Variants in ROR1 observed in about 807,000 individuals in gnomAD.
ROR1 encodes the protein ROR family WNT receptor 1.
A neutral mutation model predicts 78.8 loss-of-function variants in ROR1; 19 were observed. The observed-to-expected ratio is 0.24, with a 90% CI of 0.17 to 0.35. The LOEUF is 0.35. ROR1 is among the 10% of genes least tolerant of loss of function. The probability of loss-of-function intolerance (pLI) is 1.00; values close to 1 mark genes in which losing one functional copy is unlikely to be tolerated. For missense variants in ROR1, 917 were observed against 1,177.8 expected, an observed-to-expected ratio of 0.78 and a Z score of 3.24; for synonymous variants, 386 against 433.6, an observed-to-expected ratio of 0.89 and a Z score of 1.36.
intron 1 of ROR1, among the ~76,000 whole-genome samples, chr1:63,937,775 T>C (rs1337201234): frequency 6.6e-6 from 1 of 152,210 alleles, no homozygotes; most frequent in Non-Finnish European, 1.5e-5. Context: ...TTCATTAGTG[T>C]GTTTTTAGTG....
At chr1:64,132,083 A>G (rs1336797054) in intron 4 of ROR1, among the ~76,000 whole-genome samples, 1 of 152,034 alleles carries the variant, frequency 6.6e-6, no homozygotes, top group Non-Finnish European at 1.5e-5. Context: ...CCCAGCCCCT[A>G]GCAACCACCG....
intron 1 of ROR1, among the ~76,000 whole-genome samples, chr1:63,985,414 T>C (rs1646242791): frequency 6.6e-6 from 1 of 152,144 alleles, no homozygotes; most frequent in African/African-American, 2.4e-5. Context: ...ATCCAAATGT[T>C]AATTCGAATT....
At chr1:63,856,564 C>T (rs1330903873) in intron 1 of ROR1, among the ~76,000 whole-genome samples, 1 of 152,160 alleles carries the variant, frequency 6.6e-6, no homozygotes, top group Non-Finnish European at 1.5e-5. Flanking sequence ...TTGCCTTGGT[C>T]TCCCTGGACT....
At chr1:64,160,994 C>A (rs4915947) in intron 8 of ROR1, among the ~76,000 whole-genome samples, 24,883 of 152,220 alleles carry the variant, frequency 0.16, 2,637 homozygotes, top group Non-Finnish European at 0.24. Context: ...CCTTAATCTG[C>A]AATTGAATTA....
chr1:63,950,372 G>A lies in ROR1; in HGVS notation c.92-58933G>A, dbSNP rs143624601. Among the ~76,000 whole-genome samples the A allele has an allele frequency of 2.0e-5, 3 of 152,276 alleles. No homozygotes were observed. In the East Asian group the frequency reaches 5.8e-4, roughly 29 times the overall value. On this transcript the variant is annotated intron_variant, in intron 1 of 8. Transcript: ENST00000371079. ...GGAATTCTTCCTTTCAGACCATATA[G>A]GGTAACTTCCAGATGTTGCCATGGC... is the stretch of plus-strand genomic sequence containing the variant.
chr1:64,005,637 T>C (rs1355833559), intron 1 of ROR1, among the ~76,000 whole-genome samples: 1 of 152,186 alleles, frequency 6.6e-6, no homozygotes, highest in East Asian at 1.9e-4. Context: ...TTGATGGAGT[T>C]CAGCTGAGAT....
chr1:64,120,640 T>C (rs2762850), intron 4 of ROR1, among the ~76,000 whole-genome samples: 105,031 of 152,048 alleles, frequency 0.69, 37,053 homozygotes, highest in East Asian at 0.98. Context: ...TACTGGACCA[T>C]GTAGGTCTAA....
intron 4 of ROR1, among the ~76,000 whole-genome samples, chr1:64,121,941 T>C (rs1473815903): frequency 6.6e-6 from 1 of 152,214 alleles, no homozygotes; most frequent in Non-Finnish European, 1.5e-5. Context: ...CTCTTTAAAC[T>C]GTGAGCTCTT....
At position 63,815,478 on chromosome 1, in the gene ROR1, C is replaced by CTTTTTTTTTTT. The variant is rs1446331528; in HGVS notation, c.91+40975_91+40976insTTTTTTTTTTT. On this transcript the variant is annotated intron_variant, in intron 1 of 8. Coordinates refer to ENST00000371079, the MANE Select transcript of ROR1 (RefSeq NM_005012.4). ...TTTTCTTTTTCTTTTCTTTTCTTTT[C>CTTTTTTTTTTT]TTTTTCTTTTTTTTTTTTTTTTGAG... Among the ~76,000 whole-genome samples the CTTTTTTTTTTT allele has an allele frequency of 5.7e-4, 59 of 103,434 alleles. 2 individuals carry two copies. Among genetic ancestry groups the CTTTTTTTTTTT allele is most frequent in the Middle Eastern group, 4.9e-3 (1 of 204 alleles). 67.9% of individuals were successfully genotyped at this position (103,434 alleles called of 152,430 possible). A position where few individuals can be genotyped will look rare whatever the true frequency, so the allele number is the denominator to read the frequency against.
chr1:63,951,458 GA>G (rs1261346617), intron 1 of ROR1, among the ~76,000 whole-genome samples: 21 of 152,212 alleles, frequency 1.4e-4, no homozygotes, highest in Admixed American at 1.4e-3. Flanking sequence ...TAGGGTAAAA[GA>G]GGGGGGCTGG....
At chr1:63,967,869 G>A (rs1374934080) in intron 1 of ROR1, among the ~76,000 whole-genome samples, 1 of 152,192 alleles carries the variant, frequency 6.6e-6, no homozygotes, top group African/African-American at 2.4e-5. Context: ...GACTGGTGGT[G>A]TGCTGGAACA....
intron 7 of ROR1, among the ~76,000 whole-genome samples, chr1:64,151,611 G>A (rs1449767335): frequency 6.6e-6 from 1 of 151,924 alleles, no homozygotes; most frequent in Non-Finnish European, 1.5e-5. Context: ...GGTGGCTTAT[G>A]CCTGTAATCC....
At chr1:63,983,217 AT>A (rs1646224197) in intron 1 of ROR1, among the ~76,000 whole-genome samples, 1 of 152,136 alleles carries the variant, frequency 6.6e-6, no homozygotes, top group East Asian at 1.9e-4. Flanking sequence ...CCCCCTCCGC[AT>A]TTTACAGATA....
At chr1:63,794,030 T>C (rs769690041) in intron 1 of ROR1, among the ~76,000 whole-genome samples, 1 of 152,180 alleles carries the variant, frequency 6.6e-6, no homozygotes, top group Non-Finnish European at 1.5e-5. Context: ...CCCTGGTTGC[T>C]GGGGAACCAG....
At chr1:64,007,248 G>A (rs144324327) in intron 1 of ROR1, among the ~76,000 whole-genome samples, 16 of 152,238 alleles carry the variant, frequency 1.1e-4, no homozygotes, top group Non-Finnish European at 1.8e-4. Flanking sequence ...GGTAAACAGA[G>A]CCATAATTGA....
intron 1 of ROR1, among the ~76,000 whole-genome samples, chr1:63,975,169 C>T (rs867889392): frequency 1.3e-5 from 2 of 151,990 alleles, no homozygotes; most frequent in Non-Finnish European, 2.9e-5. Flanking sequence ...GAGGTGCTAA[C>T]GAGCAGTAAA....
chr1:63,812,084 T>G (rs1569753447), intron 1 of ROR1, among the ~76,000 whole-genome samples: 1 of 150,972 alleles, frequency 6.6e-6, no homozygotes, highest in African/African-American at 2.4e-5. Context: ...CCTCAGCCTC[T>G]CCAGTAGTTG....
At chr1:64,117,130 G>A (rs1422023754) in intron 4 of ROR1, among the ~76,000 whole-genome samples, 1 of 152,108 alleles carries the variant, frequency 6.6e-6, no homozygotes, top group African/African-American at 2.4e-5. Context: ...TTTGGGGCAG[G>A]GGATAGAGGG....
intron 4 of ROR1, chr1:64,110,798 G>A (rs1278930015): frequency 6.6e-6 from 1 of 152,046 alleles, no homozygotes; most frequent in Non-Finnish European, 1.5e-5. Context: ...GAGGGGCTGA[G>A]AGTAGGTAGG....
Sources: gnomAD v4.1 joint callset for allele counts (sites outside exome capture counted in the v4.1 genomes callset) on GRCh38, gnomAD v4.1.1 for gene constraint, MANE v1.5 for transcripts, NCBI Gene and HGNC (gene_info 2026-07-23, HGNC 2026-07-21) for gene names.